Variants in MUC5AC observed in about 807,000 individuals in gnomAD.
The protein encoded by MUC5AC is mucin 5AC, oligomeric mucus/gel-forming, also known as mucin-5AC.
A neutral mutation model predicts 169.7 loss-of-function variants in MUC5AC; 158 were observed. That is an observed-to-expected ratio of 0.93 (90% CI 0.82 to 1.06). The LOEUF (loss-of-function observed/expected upper bound fraction) is 1.06, where lower values mean the gene tolerates loss of function less well. Ranked by LOEUF, MUC5AC falls within the 50% of genes least tolerant of loss-of-function variation. MUC5AC has a pLI of 0.00. For synonymous variants in MUC5AC, 1,975 were observed against 1,237.0 expected, an observed-to-expected ratio of 1.60 and a Z score of -12.52; for missense variants, 4,359 against 3,089.9, an observed-to-expected ratio of 1.41 and a Z score of -9.74.
At chr11:1,174,762 G>A in intron 17 of MUC5AC, 120 bp from the exon 18 acceptor site, 1 of 469,958 alleles carries the variant, frequency 2.1e-6, no homozygotes, top group Non-Finnish European at 3.8e-6. Flanking sequence ...GGTCAGTGTG[G>A]CCTTGGACCC....
chr11:1,186,025 G>A lies in MUC5AC; in HGVS notation c.7880G>A (p.Ser2627Asn), dbSNP rs1860934940. 1.4e-6 allele frequency: 1 copy of A among 730,506 alleles called. No individual in the cohort carries two copies. Among genetic ancestry groups the A allele is most frequent in the Non-Finnish European group, 2.5e-6 (1 of 400,244 alleles). The allele number at this position is 730,506 out of a possible 1,614,324, so 45.3% of individuals were successfully genotyped here. Residue 2627 changes from serine to asparagine, a missense_variant, in exon 31 of 49, where the codon AGC becomes AAC. Physicochemically the swap from Ser to Asn is conservative, Grantham distance 46. Transcript: ENST00000621226. The part of the protein sequence containing the change: ...ISSTTSATTT[S>N]RISGPETTPS... ...AGCACAACCTCTGCCACTACAACCA[G>A]CAGAATCTCTGGTCCTGAAACTACT...
Position 1,185,360 on chromosome 11 carries a change from C to T in MUC5AC, c.7215C>T (p.Thr2405=). Residue 2405 remains threonine, a synonymous_variant, in exon 31 of 49, where the codon ACC becomes ACT. Coordinates refer to ENST00000621226, the MANE Select transcript of MUC5AC (RefSeq NM_001304359.2). The stretch of plus-strand genomic sequence containing the variant: ...GCCCTGTTCCTACCACCAGCACAAC[C>T]TCTGCCACTACAACCAGCACAACCT... ...TPSPVPTTST[T]SATTTSTTSA... 4.2e-6 allele frequency: 3 copies of T among 721,114 alleles called. No individual in the cohort carries two copies. Among genetic ancestry groups the T allele is most frequent in the South Asian group, 2.9e-5 (2 of 69,674 alleles). The allele number at this position is 721,114 out of a possible 1,614,324, so 44.7% of individuals were successfully genotyped here.
At chr11:1,174,655 C>T (rs118197311) in intron 17 of MUC5AC, 33 bp downstream of exon 17, 173 of 839,690 alleles carry the variant, frequency 2.1e-4, no homozygotes, top group Non-Finnish European at 2.7e-4. Context: ...CCCTTTCCCT[C>T]GCTGGGTGGC....
chr11:1,193,397 G>A (rs74046251), intron 32 of MUC5AC, 88 bp from the exon 33 acceptor site: 10 of 640,880 alleles, frequency 1.6e-5, no homozygotes, highest in Middle Eastern at 3.1e-4. Context: ...GTCCCCACAC[G>A]GGACTCTCGG....
chr11:1,195,782 C>A, intron 36 of MUC5AC, 94 bp from the exon 37 acceptor site: 1 of 659,980 alleles, frequency 1.5e-6, no homozygotes, highest in Non-Finnish European at 2.8e-6. Flanking sequence ...GGACTCGCCT[C>A]GCCTGGAGAC....
Position 1,185,785 on chromosome 11 carries a change from G to A in MUC5AC, c.7640G>A (p.Ser2547Asn). The change falls in exon 31 of 49, where the codon AGC (serine) becomes AAC (asparagine). Residue 2547 changes from serine (S) to asparagine (N), a missense_variant. Coordinates refer to ENST00000621226, the MANE Select transcript of MUC5AC (RefSeq NM_001304359.2). ...TTSTTSAPTT[S>N]TTSAPISSTT... The stretch of plus-strand genomic sequence containing the variant: ...AGCACAACCTCTGCTCCTACAACCA[G>A]CACAACCTCTGCCCCTATAAGCAGC... 1.3e-6 allele frequency: 1 copy of A among 740,768 alleles called. No homozygotes were observed. Among genetic ancestry groups the A allele is most frequent in the African/African-American group, 1.7e-5 (1 of 58,034 alleles). 45.9% of individuals were successfully genotyped at this position (740,768 alleles called of 1,614,324 possible).
chr11:1,180,692 C>T (rs1232150294), intron 28 of MUC5AC, among the ~76,000 whole-genome samples, 176 bp downstream of exon 28: 2 of 152,180 alleles, frequency 1.3e-5, no homozygotes, highest in African/African-American at 2.4e-5. Flanking sequence ...CAGGGACCAG[C>T]ACCCCCATGT....
rs570081483 is a variant in MUC5AC, at chr11:1,166,199, C to G, written c.1386+439C>G. On this transcript the variant is annotated intron_variant, in intron 11 of 48. Coordinates refer to ENST00000621226, the MANE Select transcript of MUC5AC (RefSeq NM_001304359.2). ...CCCTATGGTGAGACCCTGCACCCAACACACAGTCTACCCAAGATGAGACCC... is the reference window on the plus strand; with the variant it reads ...CCCTATGGTGAGACCCTGCACCCAAGACACAGTCTACCCAAGATGAGACCC... Among the ~76,000 whole-genome samples the G allele has an allele frequency of 1.8e-3, 265 of 148,094 alleles. 1 individual carries two copies. Among genetic ancestry groups the G allele is most frequent in the African/African-American group, 6.5e-3 (251 of 38,722 alleles).
chr11:1,177,766 G>C (rs1298537490), intron 24 of MUC5AC, 133 bp downstream of exon 24: 8 of 396,370 alleles, frequency 2.0e-5, no homozygotes, highest in Non-Finnish European at 3.1e-5. Context: ...GTGGGAAGTG[G>C]GGGGGACGGA....
intron 15 of MUC5AC, among the ~76,000 whole-genome samples, chr11:1,169,562 CCATT>C (rs1263837944): frequency 1.4e-5 from 2 of 142,822 alleles, no homozygotes; most frequent in South Asian, 2.3e-4. Flanking sequence ...GCCGACTCAA[CCATT>C]CACTCACCCA....
At chr11:1,159,028 G>A (rs1446846234) in intron 1 of MUC5AC, among the ~76,000 whole-genome samples, 2 of 152,206 alleles carry the variant, frequency 1.3e-5, no homozygotes, top group Non-Finnish European at 2.9e-5. Flanking sequence ...GGGCGGAGCT[G>A]GGGCTGGGGT....
At position 1,161,943 on chromosome 11, in the gene MUC5AC, C is replaced by G. The variant is rs1478733681; in HGVS notation, c.248C>G (p.Thr83Ser). 1.9e-6 allele frequency: 3 copies of G among 1,612,100 alleles called. No homozygotes were observed. Among genetic ancestry groups the G allele is most frequent in the Non-Finnish European group, 2.5e-6 (3 of 1,179,672 alleles). Reference protein sequence around the residue: ...NPAHNGRVCSTWGSFHYKTFD... With the variant: ...NPAHNGRVCSSWGSFHYKTFD... ...GCGCACAACGGGCGGGTGTGCAGCACCTGGGGCAGCTTCCACTACAAGACC... is the reference window on the plus strand; with the variant it reads ...GCGCACAACGGGCGGGTGTGCAGCAGCTGGGGCAGCTTCCACTACAAGACC... The change falls in exon 4 of 49, where the codon ACC becomes AGC. Residue 83 changes from threonine to serine, a missense_variant. By Grantham distance (58) the Thr-to-Ser change is moderately conservative. Coordinates refer to ENST00000621226, the MANE Select transcript of MUC5AC (RefSeq NM_001304359.2).
chr11:1,182,812 C>T lies in MUC5AC; in HGVS notation c.4667C>T (p.Thr1556Met), dbSNP rs1359818616. Residue 1556 changes from threonine to methionine, a missense_variant, in exon 31 of 49, where the codon ACG becomes ATG. By Grantham distance (81) the Thr-to-Met change is moderately conservative (BLOSUM62 -1). Transcript: ENST00000621226. ...PATSTSSMSTTAPGTSVVSSK... is the reference protein window; with the variant it reads ...PATSTSSMSTMAPGTSVVSSK... ...ACATCAACATCATCCATGTCGACCA[C>T]GGCCCCGGGGACCTCTGTGGTCTCC... 69 of 398,270 alleles carry T rather than the reference C, an allele frequency of 1.7e-4. No homozygotes were observed. Among genetic ancestry groups the T allele is most frequent in the Middle Eastern group, 6.3e-4 (1 of 1,588 alleles). The allele number at this position is 398,270 out of a possible 1,614,324, so 24.7% of individuals were successfully genotyped here. A position where few individuals can be genotyped will look rare whatever the true frequency, so the allele number is the denominator to read the frequency against.
chr11:1,180,643 G>A (rs1202326771), intron 28 of MUC5AC, 127 bp downstream of exon 28: 2 of 397,794 alleles, frequency 5.0e-6, no homozygotes, highest in South Asian at 1.4e-4. Flanking sequence ...TTGAAGCTTG[G>A]GTCCTGTCCT....
intron 10 of MUC5AC, 29 bp downstream of exon 10, chr11:1,165,448 A>G (rs1045252374): frequency 1.2e-6 from 2 of 1,606,516 alleles, no homozygotes; most frequent in African/African-American, 2.7e-5. Flanking sequence ...CCAGGCCACC[A>G]AGGATGTGCT....
chr11:1,184,695 T>A lies in MUC5AC; in HGVS notation c.6550T>A (p.Cys2184Ser). ...CGAACACCTGGGCCAGGTGGTGCAG[T>A]GCAGCCGGGAAGAGGGCCTGGTGTG... ...SIEHLGQVVQ[C>S]SREEGLVCRN... Residue 2184 changes from cysteine to serine, a missense_variant, in exon 31 of 49, where the codon TGC (cysteine) becomes AGC (serine). Cys to Ser is a moderately radical substitution (Grantham distance 112, BLOSUM62 -1). Transcript: ENST00000621226. 1.5e-6 allele frequency: 1 copy of A among 661,114 alleles called. No individual in the cohort carries two copies. Among genetic ancestry groups the A allele is most frequent in the Admixed American group, 2.3e-5 (1 of 43,200 alleles). 41.0% of individuals were successfully genotyped at this position (661,114 alleles called of 1,614,324 possible).
Position 1,188,042 on chromosome 11 carries a change from G to C in MUC5AC, c.9897G>C (p.Arg3299=). Residue 3299 remains arginine, a synonymous_variant, in exon 31 of 49, where the codon CGG becomes CGC. Coordinates refer to ENST00000621226, the MANE Select transcript of MUC5AC (RefSeq NM_001304359.2). ...GCCGTGAAGAGGGCCTGGTGTGCCG[G>C]AACCAGGACCAGCAGGGACCCTTCA... is the stretch of plus-strand genomic sequence containing the variant. ...QCSREEGLVC[R]NQDQQGPFKM... is the part of the protein sequence containing the mutation. 1 of 755,062 alleles carries C rather than the reference G, an allele frequency of 1.3e-6. No individual in the cohort carries two copies. The highest frequency in any genetic ancestry group is 2.4e-6 in the Non-Finnish European group (1 of 412,550). 46.8% of individuals were successfully genotyped at this position (755,062 alleles called of 1,614,324 possible).
At chr11:1,171,488 CTCACTCACCCATTCACCCAT>C (rs1860533565) in intron 15 of MUC5AC, among the ~76,000 whole-genome samples, 4 of 129,110 alleles carry the variant, frequency 3.1e-5, no homozygotes, top group Non-Finnish European at 3.4e-5. Flanking sequence ...CACTCACCCA[CTCACTCACCCATTCACCCAT>C]TCACCCACTC....
At chr11:1,165,577 G>A (rs199676631) in intron 10 of MUC5AC, 45 bp from the exon 11 acceptor site, 3 of 1,607,688 alleles carry the variant, frequency 1.9e-6, no homozygotes, top group Non-Finnish European at 2.5e-6. Context: ...CTGGAGGCTG[G>A]TCTCCTGGGG....
Sources: allele counts gnomAD v4.1 joint callset (sites outside exome capture counted in the v4.1 genomes callset), GRCh38; gene constraint gnomAD v4.1.1; transcripts MANE v1.5; gene names NCBI Gene and HGNC (gene_info 2026-07-23, HGNC 2026-07-21).